MAP4K3: variants seen among roughly 807,000 people sequenced by gnomAD.
MAP4K3 encodes MAPK/ERK kinase kinase kinase 3.
Under a neutral mutation model 143.5 loss-of-function variants are expected in MAP4K3, and 94 were observed. The observed-to-expected ratio is 0.65, with a 90% CI of 0.55 to 0.78. The LOEUF is 0.78. Ranked by LOEUF, MAP4K3 falls within the 30% of genes least tolerant of loss-of-function variation. MAP4K3 has a pLI of 0.00. For missense variants in MAP4K3, 1,077 were observed against 1,068.1 expected (o/e 1.01, Z -0.12); for synonymous variants, 416 against 347.2 (o/e 1.20, Z -2.20).
chr2:39,260,847 A>C (rs1446766598), intron 28 of MAP4K3, 70 bp from the exon 29 acceptor site: 1 of 1,065,484 alleles, frequency 9.4e-7, no homozygotes, highest in African/African-American at 1.6e-5. Context: ...AGAATACTAT[A>C]AAACAGCTTT....
At chr2:39,290,852 C>T (rs111455783) in intron 18 of MAP4K3, among the ~76,000 whole-genome samples, 6 of 152,024 alleles carry the variant, frequency 3.9e-5, no homozygotes, top group Non-Finnish European at 7.4e-5. Flanking sequence ...GGGCAGATCA[C>T]GAGGTCAGGA....
chr2:39,384,099 G>GT (rs1666424518), intron 1 of MAP4K3, among the ~76,000 whole-genome samples: 1 of 147,302 alleles, frequency 6.8e-6, no homozygotes, highest in Non-Finnish European at 1.5e-5. Context: ...GGGCAACAGA[G>GT]TAAGACCAGT....
At chr2:39,332,038 T>TC in intron 7 of MAP4K3, 49 bp from the exon 8 acceptor site, 1 of 1,070,442 alleles carries the variant, frequency 9.3e-7, no homozygotes, top group East Asian at 2.4e-5. Flanking sequence ...AAAATAAAAT[T>TC]GTTTAAGGCA....
At chr2:39,276,712 G>A (rs901950592) in intron 24 of MAP4K3, among the ~76,000 whole-genome samples, 1 of 152,212 alleles carries the variant, frequency 6.6e-6, no homozygotes, top group Non-Finnish European at 1.5e-5. Flanking sequence ...CTTTATGTAA[G>A]TATTAGCTAT....
intron 1 of MAP4K3, among the ~76,000 whole-genome samples, chr2:39,415,599 A>G (rs1169677110): frequency 6.6e-6 from 1 of 152,146 alleles, no homozygotes; most frequent in Admixed American, 6.5e-5. Context: ...TCCAATCCTT[A>G]TAAATTAATG....
intron 1 of MAP4K3, among the ~76,000 whole-genome samples, chr2:39,381,186 A>G (rs1666347937): frequency 6.6e-6 from 1 of 152,172 alleles, no homozygotes; most frequent in Admixed American, 6.5e-5. Context: ...TGGAAATACC[A>G]TATTTGGGCT....
intron 3 of MAP4K3, among the ~76,000 whole-genome samples, chr2:39,344,550 A>G (rs1665231309): frequency 6.6e-6 from 1 of 152,254 alleles, no homozygotes; most frequent in Admixed American, 6.5e-5. Context: ...AGAAGAGCTT[A>G]GTCGTGGTGA....
intron 1 of MAP4K3, among the ~76,000 whole-genome samples, chr2:39,402,331 T>C (rs1307068855): frequency 7.5e-6 from 1 of 133,756 alleles, no homozygotes; most frequent in Admixed American, 6.9e-5. Flanking sequence ...AAGAGCAAAA[T>C]TTTTTTGATT....
At chr2:39,302,000 G>A (rs181641550) in intron 15 of MAP4K3, among the ~76,000 whole-genome samples, 25 of 151,688 alleles carry the variant, frequency 1.6e-4, no homozygotes, top group Non-Finnish European at 2.4e-4. Context: ...CTCCAGCTTG[G>A]CGACAGAGAG....
chr2:39,274,380 C>A (rs1681162737), intron 24 of MAP4K3, among the ~76,000 whole-genome samples: 1 of 151,852 alleles, frequency 6.6e-6, no homozygotes, highest in African/African-American at 2.4e-5. Flanking sequence ...CCACGCCCGG[C>A]TAATTTTTTT....
chr2:39,311,947 A>G (rs984334370), intron 13 of MAP4K3, among the ~76,000 whole-genome samples: 1 of 152,238 alleles, frequency 6.6e-6, no homozygotes, highest in Non-Finnish European at 1.5e-5. Context: ...AAAGAGATCC[A>G]TAAGTAGTGG....
At chr2:39,256,186 A>G (rs1048516391) in intron 31 of MAP4K3, among the ~76,000 whole-genome samples, 6 of 152,208 alleles carry the variant, frequency 3.9e-5, no homozygotes, top group African/African-American at 7.2e-5. Flanking sequence ...TTCTCTTACT[A>G]ACTCTAGTAA....
At chr2:39,276,820 A>G (rs953117544) in intron 24 of MAP4K3, among the ~76,000 whole-genome samples, 1 of 152,222 alleles carries the variant, frequency 6.6e-6, no homozygotes, top group Admixed American at 6.5e-5. Context: ...TGTGACACTC[A>G]AAAACATCCC....
intron 16 of MAP4K3, among the ~76,000 whole-genome samples, chr2:39,298,063 G>A (rs1169665082): frequency 6.6e-6 from 1 of 151,212 alleles, no homozygotes. Flanking sequence ...AATCAAAAAA[G>A]GTAAAAAATA....
At position 39,251,865 on chromosome 2, in the gene MAP4K3, A is replaced by T. The variant is rs1355280219; in HGVS notation, c.2562T>A (p.Asp854Glu). 1 of 1,613,684 alleles carries T rather than the reference A, an allele frequency of 6.2e-7. No homozygotes were observed. The highest frequency in any genetic ancestry group is 1.3e-5 in the African/African-American group (1 of 75,048). Residue 854 changes from aspartate (D) to glutamate (E), a missense_variant, in exon 33 of 34, where the codon GAT (aspartate) becomes GAA (glutamate). Around this residue, in one of 2 missense-constraint regions of MAP4K3, gnomAD observed 864 missense variants for 801.2 expected, o/e 1.08. Transcript: ENST00000263881. ...CAAGCAGCCTGAAAATTCTTGTGCTATCTGAAATTTCTTGTGTTACCTGTT... is the reference window on the plus strand; with the variant it reads ...CAAGCAGCCTGAAAATTCTTGTGCTTTCTGAAATTTCTTGTGTTACCTGTT... ...RSNEVTQEIS[D>E]STRIFRLLGS...
At chr2:39,327,463 T>C (rs1159190123) in intron 8 of MAP4K3, among the ~76,000 whole-genome samples, 7 of 152,152 alleles carry the variant, frequency 4.6e-5, no homozygotes, top group African/African-American at 1.7e-4. Context: ...ATTTAAACTA[T>C]TAATTATCAA....
chr2:39,434,740 C>T (rs1279146361), intron 1 of MAP4K3, among the ~76,000 whole-genome samples: 1 of 152,204 alleles, frequency 6.6e-6, no homozygotes, highest in East Asian at 1.9e-4. Flanking sequence ...CTCCTTGTGC[C>T]TCAGTTTATT....
intron 1 of MAP4K3, among the ~76,000 whole-genome samples, chr2:39,434,660 T>C (rs892931047): frequency 2.6e-5 from 4 of 152,228 alleles, no homozygotes; most frequent in African/African-American, 4.8e-5. Context: ...GCACTGCCAA[T>C]TGGTTAAGAA....
chr2:39,320,002 C>T (rs764833078), intron 12 of MAP4K3, among the ~76,000 whole-genome samples: 25 of 152,060 alleles, frequency 1.6e-4, no homozygotes, highest in Non-Finnish European at 2.5e-4. Flanking sequence ...GTCTTTCTGG[C>T]ATCTTCCTAT....
Sources: allele counts gnomAD v4.1 joint callset (sites outside exome capture counted in the v4.1 genomes callset), GRCh38; gene constraint gnomAD v4.1.1; regional missense constraint gnomAD v4.1.1; transcripts MANE v1.5; gene names NCBI Gene and HGNC (gene_info 2026-07-23, HGNC 2026-07-21).